The following TRDN variants were observed in gnomAD, a reference collection of about 807,000 sequenced individuals.
TRDN encodes triadin.
Under a neutral mutation model 149.7 loss-of-function variants are expected in TRDN, and 161 were observed. The ratio of observed to expected loss-of-function variants is 1.08; its 90% CI spans 0.95 to 1.23. The LOEUF (loss-of-function observed/expected upper bound fraction) is 1.23. Ranked by LOEUF, TRDN falls within the 50% of genes most tolerant of loss-of-function variation. The probability of loss-of-function intolerance (pLI) is 0.00; values close to 1 mark genes in which losing one functional copy is unlikely to be tolerated. For synonymous variants in TRDN, 294 were observed against 250.5 expected (o/e 1.17, Z -1.64); for missense variants, 896 against 823.5 (o/e 1.09, Z -1.08).
chr6:123,497,411 C>G (rs1488701064), intron 8 of TRDN, among the ~76,000 whole-genome samples, 159 bp from the exon 9 acceptor site: 1 of 151,916 alleles, frequency 6.6e-6, no homozygotes, highest in African/African-American at 2.4e-5. Flanking sequence ...TATGAAAATA[C>G]AGAAGGAAAG....
At chr6:123,571,383 C>G (rs1298334739) in intron 1 of TRDN, among the ~76,000 whole-genome samples, 1 of 152,126 alleles carries the variant, frequency 6.6e-6, no homozygotes, top group Non-Finnish European at 1.5e-5. Context: ...GAGGGAGAAT[C>G]AACACAAGTG....
intron 23 of TRDN, among the ~76,000 whole-genome samples, chr6:123,324,382 A>C (rs995165311): frequency 2.6e-5 from 4 of 152,170 alleles, no homozygotes; most frequent in Non-Finnish European, 4.4e-5. Context: ...CAGGAGGCTG[A>C]GGCAGGAGGA....
chr6:123,509,407 A>G (rs1260808378), intron 7 of TRDN: 2 of 152,102 alleles, frequency 1.3e-5, no homozygotes, highest in Non-Finnish European at 2.9e-5. Context: ...TAGTCTAGAT[A>G]AGATTGTAAT....
intron 38 of TRDN, among the ~76,000 whole-genome samples, chr6:123,224,565 C>T (rs531646748): frequency 2.0e-5 from 3 of 151,894 alleles, no homozygotes; most frequent in Admixed American, 1.3e-4. Context: ...AGATTTTAGC[C>T]TTTTTGACAA....
Position 123,266,440 on chromosome 6 carries a change from A to T in TRDN, c.1784-1102T>A. Among the ~76,000 whole-genome samples, 12 of 94,454 alleles carry T rather than the reference A, an allele frequency of 1.3e-4. 6 individuals carry two copies. Among genetic ancestry groups the T allele is most frequent in the Admixed American group, 3.3e-4 (2 of 6,024 alleles). The allele number at this position is 94,454 out of a possible 152,430, so 62.0% of individuals were successfully genotyped here. A position where few individuals can be genotyped will look rare whatever the true frequency, so the allele number is the denominator to read the frequency against. On this transcript the variant is annotated intron_variant, in intron 32 of 40. Coordinates refer to ENST00000334268, the MANE Select transcript of TRDN (RefSeq NM_006073.4). ...TAGATTATGATATGTATTATATATAATATATAGATTATGATATGTATTATA... is the reference window on the plus strand; with the variant it reads ...TAGATTATGATATGTATTATATATATTATATAGATTATGATATGTATTATA...
intron 33 of TRDN, among the ~76,000 whole-genome samples, chr6:123,262,496 C>T (rs1776807560): frequency 6.6e-6 from 1 of 152,032 alleles, no homozygotes; most frequent in Admixed American, 6.6e-5. Context: ...TTCCCTCATA[C>T]ATCCTGGTCC....
Position 123,265,023 on chromosome 6 carries a change from T to C in TRDN, c.1804+295A>G, listed in dbSNP as rs73551203. On this transcript the variant is annotated intron_variant, in intron 33 of 40. Transcript: ENST00000334268. ...ATACCCCCGAGGTATGCCAGGACAATGACATCTAATTTTCCTTGAATTGCA... is the reference window on the plus strand; with the variant it reads ...ATACCCCCGAGGTATGCCAGGACAACGACATCTAATTTTCCTTGAATTGCA... 0.02 allele frequency among the ~76,000 whole-genome samples: 2,969 copies of C among 152,112 alleles called. 86 individuals carry two copies. The highest frequency in any genetic ancestry group is 0.077 in the South Asian group (369 of 4,822).
intron 10 of TRDN, chr6:123,441,000 A>G (rs1305155830): frequency 6.8e-6 from 1 of 147,142 alleles, no homozygotes; most frequent in Non-Finnish European, 1.5e-5. Flanking sequence ...CAAAATGCAG[A>G]TTAATGTCCT....
intron 12 of TRDN, among the ~76,000 whole-genome samples, chr6:123,398,238 C>T (rs71574818): frequency 6.6e-6 from 1 of 152,184 alleles, no homozygotes; most frequent in African/African-American, 2.4e-5. Context: ...AACTGCTGAC[C>T]TCGTGATTCA....
chr6:123,349,986 G>A (rs1780395470), intron 21 of TRDN: 1 of 985,108 alleles, frequency 1.0e-6, no homozygotes, highest in African/African-American at 1.7e-5. Flanking sequence ...CTCTTCAAGT[G>A]GACACAAATT....
intron 1 of TRDN, among the ~76,000 whole-genome samples, chr6:123,625,490 T>C (rs181831610): frequency 6.6e-6 from 1 of 152,330 alleles, no homozygotes; most frequent in East Asian, 1.9e-4. Context: ...GGATGGTTAA[T>C]GGGTACAGAA....
At chr6:123,505,520 T>C (rs781199310) in intron 7 of TRDN, among the ~76,000 whole-genome samples, 5 of 152,144 alleles carry the variant, frequency 3.3e-5, no homozygotes, top group African/African-American at 4.8e-5. Flanking sequence ...TATTAGGTAT[T>C]GGAGAATATT....
rs1296705909 is a variant in TRDN at position 123,549,894 on chromosome 6, G to A, written c.233-1282C>T. Among the ~76,000 whole-genome samples the A allele has an allele frequency of 3.3e-5, 5 of 152,120 alleles. 1 individual carries two copies. Among genetic ancestry groups the A allele is most frequent in the Middle Eastern group, 6.8e-3 (2 of 294 alleles). ...GACAGAATTCCAGGATAACTTCTAAGTTTTTGGTGTGAGAAACTAGAATGA... is the reference window on the plus strand; with the variant it reads ...GACAGAATTCCAGGATAACTTCTAAATTTTTGGTGTGAGAAACTAGAATGA... On this transcript the variant is annotated intron_variant, in intron 2 of 40. Coordinates refer to ENST00000334268, the MANE Select transcript of TRDN (RefSeq NM_006073.4).
At chr6:123,237,230 C>T (rs142177728) in intron 38 of TRDN, among the ~76,000 whole-genome samples, 1 of 151,920 alleles carries the variant, frequency 6.6e-6, no homozygotes, top group Non-Finnish European at 1.5e-5. Context: ...AATGAGTTTT[C>T]TGTATTAACT....
intron 38 of TRDN, among the ~76,000 whole-genome samples, chr6:123,247,714 A>C (rs542412398): frequency 2.0e-5 from 3 of 152,198 alleles, no homozygotes; most frequent in Non-Finnish European, 4.4e-5. Context: ...TGGTCAAGCT[A>C]CCACAGACTT....
At chr6:123,528,695 A>G (rs1366940392) in intron 5 of TRDN, 3 of 987,658 alleles carry the variant, frequency 3.0e-6, no homozygotes, top group Non-Finnish European at 1.2e-6. Flanking sequence ...AAAGCAAAAC[A>G]TTTATTTTCA....
chr6:123,425,237 G>C (rs1423252575), intron 12 of TRDN, among the ~76,000 whole-genome samples: 1 of 7,438 alleles, frequency 1.3e-4, no homozygotes, highest in East Asian at 6.1e-3. Flanking sequence ...GTAGAGGTGT[G>C]TGTGTGTGTG....
intron 4 of TRDN, among the ~76,000 whole-genome samples, chr6:123,544,246 T>TACAC (rs71021453): frequency 0.029 from 4,226 of 144,260 alleles, 89 homozygotes; most frequent in East Asian, 0.09. Flanking sequence ...CATCTGTACA[T>TACAC]ACACACACAC....
At chr6:123,279,153 G>T in intron 24 of TRDN, 71 bp from the exon 25 acceptor site, 1 of 1,195,896 alleles carries the variant, frequency 8.4e-7, no homozygotes, top group Non-Finnish European at 1.2e-6. Flanking sequence ...TATTGAATAT[G>T]ATATAATATA....
Sources: allele counts gnomAD v4.1 joint callset (sites outside exome capture counted in the v4.1 genomes callset), GRCh38; gene constraint gnomAD v4.1.1; transcripts MANE v1.5; gene names NCBI Gene and HGNC (gene_info 2026-07-23, HGNC 2026-07-21).